The following APP variants were observed in gnomAD, a reference collection of about 807,000 sequenced individuals.
The protein encoded by APP is amyloid-beta precursor protein.
Under a neutral mutation model 101.4 loss-of-function variants are expected in APP, and 31 were observed. The observed-to-expected ratio is 0.31, with a 90% CI of 0.23 to 0.41. The LOEUF is 0.41. Among genes scored for constraint, APP ranks in the 10% least tolerant of loss-of-function variants. The pLI, the probability that APP is intolerant of heterozygous loss-of-function variation, is 1.00. For missense variants in APP, 839 were observed against 1,003.7 expected (o/e 0.84, Z 2.22); for synonymous variants, 366 against 364.4 (o/e 1.00, Z -0.05).
chr21:25,883,869 C>T (rs1476920250), intron 17 of APP, among the ~76,000 whole-genome samples: 2 of 152,176 alleles, frequency 1.3e-5, no homozygotes, highest in Non-Finnish European at 2.9e-5. Flanking sequence ...CTCCCTCATC[C>T]CTTGGGACAG....
intron 3 of APP, among the ~76,000 whole-genome samples, chr21:26,088,787 A>T (rs930087824): frequency 6.6e-6 from 1 of 152,242 alleles, no homozygotes; most frequent in Non-Finnish European, 1.5e-5. Flanking sequence ...AGGAATAAGG[A>T]GGAAAAAGGA....
chr21:26,070,148 G>A (rs906340609), intron 3 of APP, among the ~76,000 whole-genome samples: 4 of 152,186 alleles, frequency 2.6e-5, no homozygotes, highest in Non-Finnish European at 5.9e-5. Context: ...CAATAAAAAT[G>A]TATTTTAGAA....
chr21:26,009,046 G>A (rs1189204397), intron 6 of APP, among the ~76,000 whole-genome samples: 1 of 152,158 alleles, frequency 6.6e-6, no homozygotes, highest in African/African-American at 2.4e-5. Flanking sequence ...AAGGGCCTTG[G>A]ATAACTCGAA....
chr21:26,039,556 T>C lies in APP; in HGVS notation c.662+11444A>G, dbSNP rs375383472. Among the ~76,000 whole-genome samples, 14 of 152,366 alleles carry C rather than the reference T, an allele frequency of 9.2e-5. No individual in the cohort carries two copies. In the East Asian group the frequency reaches 2.1e-3, roughly 23 times the overall value. ...ACTTTTGAATACCCTTGGCAAATCT[T>C]TTCCAGAATTACACATTCCTAAAAC... On this transcript the variant is annotated intron_variant, in intron 5 of 17. Transcript: ENST00000346798.
At chr21:26,153,999 A>G (rs1239184019) in intron 1 of APP, among the ~76,000 whole-genome samples, 1 of 152,236 alleles carries the variant, frequency 6.6e-6, no homozygotes, top group Non-Finnish European at 1.5e-5. Flanking sequence ...TGAGTTTACA[A>G]CAAAAGAACA....
chr21:25,975,119 C>A lies in APP; in HGVS notation c.1409G>T (p.Arg470Leu). The A allele has an allele frequency of 6.2e-7, 1 of 1,614,002 alleles. No individual in the cohort carries two copies. ...RVEAMLNDRR[R>L]LALENYITAL... ...GGTGATGTAGTTCTCCAGGGCCAGG[C>A]GGCGGCGGTCATTGAGCATGGCTTC... is the stretch of plus-strand genomic sequence containing the variant. The change falls in exon 11 of 18, where the codon CGC (arginine) becomes CTC (leucine). Residue 470 changes from arginine to leucine, a missense_variant. Arg to Leu is a moderately radical substitution (Grantham distance 102). Coordinates refer to ENST00000346798, the MANE Select transcript of APP (RefSeq NM_000484.4).
intron 6 of APP, among the ~76,000 whole-genome samples, chr21:26,001,469 C>A (rs1037135154): frequency 6.6e-6 from 1 of 152,164 alleles, no homozygotes; most frequent in Admixed American, 6.5e-5. Context: ...AGATGAAAGC[C>A]ACGCATCACC....
At chr21:25,920,591 A>G (rs1324777973) in intron 13 of APP, among the ~76,000 whole-genome samples, 1 of 152,010 alleles carries the variant, frequency 6.6e-6, no homozygotes, top group African/African-American at 2.4e-5. Context: ...GTCTCTGATA[A>G]AACAGACGTT....
intron 13 of APP, among the ~76,000 whole-genome samples, chr21:25,953,141 C>G (rs2041165807): frequency 6.6e-6 from 1 of 152,058 alleles, no homozygotes; most frequent in African/African-American, 2.4e-5. Context: ...CCATGTTGGC[C>G]AGGCTGGTTT....
At chr21:25,891,266 C>T (rs1445577107) in intron 17 of APP, among the ~76,000 whole-genome samples, 3 of 151,926 alleles carry the variant, frequency 2.0e-5, no homozygotes, top group Non-Finnish European at 2.9e-5. Flanking sequence ...ACATTATTTA[C>T]TATTACCTGG....
rs562601987 is a variant in APP at position 26,082,841 on chromosome 21, G to A, written c.355+7102C>T. ...ACACACTGTGGGTGATCAATAAAAC[G>A]TACACAATGAATACGTAACTGACCT... On this transcript the variant is annotated intron_variant, in intron 3 of 17. Coordinates refer to ENST00000346798, the MANE Select transcript of APP (RefSeq NM_000484.4). 4.0e-5 allele frequency among the ~76,000 whole-genome samples: 6 copies of A among 150,256 alleles called. No homozygotes were observed. The South Asian group carries it at 6.3e-4, about 16-fold the overall frequency.
At chr21:25,941,852 A>C (rs1309630489) in intron 13 of APP, 2 of 152,244 alleles carry the variant, frequency 1.3e-5, no homozygotes, top group African/African-American at 2.4e-5. Context: ...TATTAACATC[A>C]ACAGAGCTAA....
rs1402024163 is a variant in APP at position 26,140,816 on chromosome 21, T to G, written c.58-28670A>C. 2.0e-5 allele frequency among the ~76,000 whole-genome samples: 3 copies of G among 152,368 alleles called. No homozygotes were observed. In the East Asian group the frequency reaches 5.8e-4, roughly 29 times the overall value. On this transcript the variant is annotated intron_variant, in intron 1 of 17. Coordinates refer to ENST00000346798, the MANE Select transcript of APP (RefSeq NM_000484.4). ...CCTTAAACTCAAATAAATTATCTAT[T>G]GAAAGAATGGCAAGAAGTACTGCCA... is the stretch of plus-strand genomic sequence containing the variant.
At chr21:26,142,725 C>T (rs908641371) in intron 1 of APP, among the ~76,000 whole-genome samples, 41 of 152,048 alleles carry the variant, frequency 2.7e-4, no homozygotes, top group African/African-American at 9.7e-4. Flanking sequence ...GCTAAGACCA[C>T]ACCACTGCAC....
intron 3 of APP, 144 bp downstream of exon 3, chr21:26,089,799 G>C (rs964074689): frequency 2.4e-5 from 31 of 1,270,896 alleles, no homozygotes; most frequent in Non-Finnish European, 3.3e-5. Context: ...GAATGTAACT[G>C]CAAGAGTCCA....
At chr21:26,148,987 T>C (rs1435277534) in intron 1 of APP, among the ~76,000 whole-genome samples, 2 of 152,100 alleles carry the variant, frequency 1.3e-5, no homozygotes, top group Non-Finnish European at 2.9e-5. Context: ...CTTCCTTCAC[T>C]TGGGATTGAG....
chr21:25,899,847 T>C (rs380417), intron 15 of APP, among the ~76,000 whole-genome samples: 91,513 of 152,032 alleles, frequency 0.6, 32,085 homozygotes, highest in Non-Finnish European at 0.8. Context: ...TGTTGATCTA[T>C]CTCGGGCTTT....
chr21:26,064,793 G>T (rs1044085470), intron 3 of APP, among the ~76,000 whole-genome samples: 1 of 152,192 alleles, frequency 6.6e-6, no homozygotes, highest in Non-Finnish European at 1.5e-5. Context: ...TACAGATAAG[G>T]AATGGCTCTC....
At chr21:26,019,866 G>A (rs1236467306) in intron 6 of APP, among the ~76,000 whole-genome samples, 1 of 152,190 alleles carries the variant, frequency 6.6e-6, no homozygotes. Flanking sequence ...TGCCATAGTT[G>A]GTCCTAACAG....
Sources: allele counts gnomAD v4.1 joint callset (sites outside exome capture counted in the v4.1 genomes callset), GRCh38; gene constraint gnomAD v4.1.1; transcripts MANE v1.5; gene names NCBI Gene and HGNC (gene_info 2026-07-23, HGNC 2026-07-21).